FUT8: variants seen among roughly 807,000 people sequenced by gnomAD.
FUT8 encodes fucosyltransferase 8, also known as alpha-(1,6)-fucosyltransferase.
In FUT8, 29 loss-of-function variants were observed where a neutral mutation model predicts 71.3. That is an observed-to-expected ratio of 0.41 (90% CI 0.30 to 0.55). FUT8 has a LOEUF of 0.55. FUT8 is among the 20% of genes least tolerant of loss of function. The pLI is 0.34. For synonymous variants in FUT8, 254 were observed against 239.3 expected (o/e 1.06, Z -0.57); for missense variants, 544 against 702.1 (o/e 0.77, Z 2.55).
chr14:65,575,697 C>T (rs918899154), intron 3 of FUT8, among the ~76,000 whole-genome samples: 5 of 151,658 alleles, frequency 3.3e-5, no homozygotes, highest in African/African-American at 1.2e-4. Context: ...CTGCTTACTG[C>T]AACCTCCACC....
chr14:65,409,938 C>T (rs1238958041), upstream of FUT8, among the ~76,000 whole-genome samples: 3 of 152,064 alleles, frequency 2.0e-5, no homozygotes, highest in African/African-American at 7.2e-5. This position sits in a 1 kb window ranked among gnomAD's most constrained non-coding sequence, Gnocchi z 5.4. Context: ...AGGTGGAGTA[C>T]CTGTACTTAC....
rs1046011951 is a variant in FUT8, at chr14:65,523,877, G to A, written c.-227-37460G>A. On this transcript the variant is annotated intron_variant, in intron 2 of 10. Transcript: ENST00000673929. ...TTTGTCAGGTTTGTCAAGATCAGATGGTTGTAGATGTGTGGTATTATTTCT... is the reference window on the plus strand; with the variant it reads ...TTTGTCAGGTTTGTCAAGATCAGATAGTTGTAGATGTGTGGTATTATTTCT... Among the ~76,000 whole-genome samples, 108 of 152,222 alleles carry A rather than the reference G, an allele frequency of 7.1e-4. 1 individual carries two copies. The highest frequency in any genetic ancestry group is 2.4e-3 in the African/African-American group (101 of 41,542).
intron 7 of FUT8, among the ~76,000 whole-genome samples, chr14:65,679,672 T>C (rs750609610): frequency 1.1e-3 from 160 of 152,334 alleles, no homozygotes; most frequent in Admixed American, 2.7e-3. Flanking sequence ...TTTGTGCATA[T>C]ATATTAATTT....
intron 10 of FUT8, among the ~76,000 whole-genome samples, chr14:65,740,595 G>T (rs76015722): frequency 0.062 from 9,432 of 152,040 alleles, 528 homozygotes; most frequent in African/African-American, 0.15. Flanking sequence ...TGCTGGGGAG[G>T]TCTCAGGCAA....
chr14:65,557,817 T>A (rs1885676245), intron 2 of FUT8, among the ~76,000 whole-genome samples: 2 of 152,124 alleles, frequency 1.3e-5, no homozygotes, highest in Non-Finnish European at 2.9e-5. Context: ...CAACAAACAC[T>A]GCTATATAAA....
At chr14:65,460,080 T>C (rs1359888436) in intron 2 of FUT8, among the ~76,000 whole-genome samples, 1 of 152,240 alleles carries the variant, frequency 6.6e-6, no homozygotes, top group Non-Finnish European at 1.5e-5. Context: ...TTGCTCTATA[T>C]GTTTTCTCTG....
At chr14:65,668,016 C>T (rs1892299931) in intron 6 of FUT8, among the ~76,000 whole-genome samples, 1 of 152,110 alleles carries the variant, frequency 6.6e-6, no homozygotes, top group Admixed American at 6.6e-5. Flanking sequence ...AACTGGTTAG[C>T]TATATGCATA....
At chr14:65,537,322 A>T (rs1244561504) in intron 2 of FUT8, among the ~76,000 whole-genome samples, 1 of 151,298 alleles carries the variant, frequency 6.6e-6, no homozygotes, top group Non-Finnish European at 1.5e-5. Context: ...GAAAGAAGAC[A>T]CTCTGGTTTT....
upstream of FUT8, chr14:65,410,494 CAA>C (rs1343676080): frequency 6.6e-6 from 1 of 151,248 alleles, no homozygotes; most frequent in Non-Finnish European, 1.5e-5. Context: ...CAAGAGATAC[CAA>C]AGTTATTTGT....
chr14:65,684,344 G>A lies in FUT8; in HGVS notation c.835+14864G>A, dbSNP rs375668142. Among the ~76,000 whole-genome samples the A allele has an allele frequency of 7.2e-5, 11 of 152,136 alleles. No individual in the cohort carries two copies. The East Asian group carries it at 1.4e-3, about 19-fold the overall frequency. ...AGACTGCCTTGCAATTCTGTTTCAC[G>A]GAAATGAATTACCAGTAGGTCTTTA... On this transcript the variant is annotated intron_variant, in intron 7 of 10. Coordinates refer to ENST00000673929, the MANE Select transcript of FUT8 (RefSeq NM_001371533.1).
chr14:65,478,651 A>G (rs2139670554), intron 2 of FUT8, among the ~76,000 whole-genome samples: 1 of 152,306 alleles, frequency 6.6e-6, no homozygotes, highest in South Asian at 2.1e-4. Flanking sequence ...TTCCTGTCTA[A>G]GCAAACCAAA....
At chr14:65,553,420 G>T (rs1000296708) in intron 2 of FUT8, among the ~76,000 whole-genome samples, 4 of 151,830 alleles carry the variant, frequency 2.6e-5, no homozygotes, top group Admixed American at 1.3e-4. Flanking sequence ...TGCCATTTTT[G>T]AGTTTAACAG....
chr14:65,576,632 G>A (rs909514225), intron 3 of FUT8, among the ~76,000 whole-genome samples: 5 of 142,542 alleles, frequency 3.5e-5, no homozygotes, highest in Non-Finnish European at 7.6e-5. Context: ...GGGCTCAAGC[G>A]ATCCTCCTAC....
chr14:65,422,367 C>A (rs1193111153), intron 1 of FUT8, among the ~76,000 whole-genome samples: 1 of 152,152 alleles, frequency 6.6e-6, no homozygotes, highest in Non-Finnish European at 1.5e-5. Context: ...AGAGTTAGCC[C>A]ATCCCTTCCT....
chr14:65,426,897 C>T (rs1424512374), intron 1 of FUT8, among the ~76,000 whole-genome samples: 6 of 151,938 alleles, frequency 3.9e-5, no homozygotes, highest in African/African-American at 1.5e-4. Context: ...CTCTCTTTGT[C>T]GCCCAGGCTG....
At chr14:65,511,377 G>A (rs950356175) in intron 2 of FUT8, among the ~76,000 whole-genome samples, 1 of 152,080 alleles carries the variant, frequency 6.6e-6, no homozygotes, top group Admixed American at 6.5e-5. Flanking sequence ...AGAAAAGAAT[G>A]TATATTCTGT....
intron 1 of FUT8, among the ~76,000 whole-genome samples, chr14:65,439,950 G>GTATA (rs1347777296): frequency 4.3e-4 from 14 of 32,590 alleles, no homozygotes; most frequent in Non-Finnish European, 1.1e-3. Context: ...GTGTGTGTGT[G>GTATA]TGTGTATATA....
At chr14:65,474,372 G>A (rs144223197) in intron 2 of FUT8, among the ~76,000 whole-genome samples, 3,498 of 148,454 alleles carry the variant, frequency 0.024, 134 homozygotes, top group African/African-American at 0.082. Flanking sequence ...GGAGGCTGAG[G>A]CGGGCGGATC....
intron 1 of FUT8, among the ~76,000 whole-genome samples, chr14:65,445,033 G>A (rs2065718057): frequency 6.6e-6 from 1 of 152,044 alleles, no homozygotes; most frequent in South Asian, 2.1e-4. Flanking sequence ...GTGAAACCCT[G>A]TCTGTACTAA....
Sources: allele counts gnomAD v4.1 joint callset (sites outside exome capture counted in the v4.1 genomes callset), GRCh38; gene constraint gnomAD v4.1.1; non-coding constraint Gnocchi (gnomAD v3.1); transcripts MANE v1.5; gene names NCBI Gene and HGNC (gene_info 2026-07-23, HGNC 2026-07-21).